The following MEIKIN variants were observed in gnomAD, a reference collection of about 807,000 sequenced individuals.
The protein encoded by MEIKIN is meiosis-specific kinetochore protein.
chr5:131,843,050 G>A (rs1749945402), intron 11 of MEIKIN, among the ~76,000 whole-genome samples: 3 of 152,238 alleles, frequency 2.0e-5, no homozygotes, highest in Non-Finnish European at 1.5e-5. Flanking sequence ...ACCAAGGTTT[G>A]GGGCTTACCC....
At chr5:131,847,528 T>C (rs1186510161) in intron 11 of MEIKIN, among the ~76,000 whole-genome samples, 1 of 151,870 alleles carries the variant, frequency 6.6e-6, no homozygotes, top group Non-Finnish European at 1.5e-5. Context: ...TGACAGACCA[T>C]CAAAATATAT....
At chr5:131,880,202 G>C (rs1750681618) in intron 8 of MEIKIN, among the ~76,000 whole-genome samples, 1 of 151,664 alleles carries the variant, frequency 6.6e-6, no homozygotes. Context: ...CGATTCTCCT[G>C]TCTCAGCCAC....
At chr5:131,911,431 A>C (rs1303498990) in intron 8 of MEIKIN, among the ~76,000 whole-genome samples, 2 of 152,008 alleles carry the variant, frequency 1.3e-5, no homozygotes, top group Non-Finnish European at 2.9e-5. Context: ...TTTGCAAGAC[A>C]CTTTGCTTAT....
chr5:131,885,117 G>T (rs1226645931), intron 8 of MEIKIN, among the ~76,000 whole-genome samples: 1 of 152,196 alleles, frequency 6.6e-6, no homozygotes, highest in Non-Finnish European at 1.5e-5. Flanking sequence ...CCACCCTGCA[G>T]GGAAGGACAT....
At chr5:131,919,294 T>C (rs138511693) in intron 6 of MEIKIN, among the ~76,000 whole-genome samples, 87 of 152,298 alleles carry the variant, frequency 5.7e-4, no homozygotes, top group Middle Eastern at 3.4e-3. Context: ...CAAACTGTTA[T>C]AATCCTTCTG....
chr5:131,885,368 AGAGAGAGAGAGAGAGAGAGAGAGAG>A lies in MEIKIN; in HGVS notation c.704-6345_704-6321del, dbSNP rs1561744001. 3.8e-3 allele frequency among the ~76,000 whole-genome samples: 149 copies of A among 39,454 alleles called. 1 individual carries two copies. Among genetic ancestry groups the A allele is most frequent in the African/African-American group, 9.8e-3 (135 of 13,822 alleles). 25.9% of individuals were successfully genotyped at this position (39,454 alleles called of 152,430 possible). ...GAGAGAGAGAGAGAGAGAGAGAGAG[AGAGAGAGAGAGAGAGAGAGAGAGAG>A]AGAGAGAGAGAGAGAGAGAGAGAGA... On this transcript the variant is annotated intron_variant, in intron 8 of 12. Coordinates refer to ENST00000442687, the MANE Select transcript of MEIKIN (RefSeq NM_001303622.2).
At chr5:131,863,064 T>C (rs1252744275) in intron 9 of MEIKIN, among the ~76,000 whole-genome samples, 2 of 152,202 alleles carry the variant, frequency 1.3e-5, no homozygotes, top group Admixed American at 1.3e-4. Flanking sequence ...TTCAGCGGCA[T>C]CTTGCTAAGT....
In MEIKIN at chr5:131,879,048, T is replaced by C. The variant is rs142637902; in HGVS notation, c.704A>G (p.Asp235Gly). ...KAKCASNSESDNAACEILLAE... is the reference protein window; with the variant it reads ...KAKCASNSESGNAACEILLAE... ...AAGTAAAATCTCACAAGCTGCATTA[T>C]CTATAAATAAAAACATAGTTCAGTA... The change falls in exon 9 of 13, where the codon GAT (aspartate) becomes GGT (glycine). Residue 235 changes from aspartate to glycine, a missense_variant and splice_region_variant. Asp to Gly is a moderately conservative substitution (Grantham distance 94). Transcript: ENST00000442687. 907 of 398,586 alleles carry C rather than the reference T, an allele frequency of 2.3e-3. 2 individuals carry two copies. The highest frequency in any genetic ancestry group is 8.8e-3 in the Middle Eastern group (14 of 1,582). The allele number at this position is 398,586 out of a possible 1,614,324, so 24.7% of individuals were successfully genotyped here.
Position 131,944,688 on chromosome 5 carries a change from C to T in MEIKIN, c.265G>A (p.Asp89Asn). The change falls in exon 3 of 13, where the codon GAT becomes AAT. Residue 89 changes from aspartate (D) to asparagine (N), a missense_variant. Asp to Asn is a conservative substitution (Grantham distance 23). Coordinates refer to ENST00000442687, the MANE Select transcript of MEIKIN (RefSeq NM_001303622.2). ...ACACGCAACGATGCAATCTTCTCAT[C>T]CTGGGTGTCTTCACTAGACCTATTT... ...QENRSSEDTQ[D>N]EKIASLRESV... is the part of the protein sequence containing the mutation. 2.5e-6 allele frequency: 1 copy of T among 399,084 alleles called. No homozygotes were observed. Among genetic ancestry groups the T allele is most frequent in the Non-Finnish European group, 4.4e-6 (1 of 226,094 alleles). 24.7% of individuals were successfully genotyped at this position (399,084 alleles called of 1,614,324 possible).
intron 8 of MEIKIN, among the ~76,000 whole-genome samples, chr5:131,890,658 A>C (rs1306789277): frequency 6.6e-6 from 1 of 152,094 alleles, no homozygotes; most frequent in Non-Finnish European, 1.5e-5. Flanking sequence ...TGATCTTTTC[A>C]AAAAACCAGC....
chr5:131,814,277 TC>T (rs1773059569), intron 12 of MEIKIN, among the ~76,000 whole-genome samples: 1 of 85,844 alleles, frequency 1.2e-5, no homozygotes, highest in Admixed American at 1.3e-4. Flanking sequence ...ATTGGACAGA[TC>T]TTTTTTTTTT....
intron 9 of MEIKIN, among the ~76,000 whole-genome samples, chr5:131,860,044 TG>T (rs1357213538): frequency 2.6e-5 from 4 of 152,210 alleles, no homozygotes; most frequent in Non-Finnish European, 5.9e-5. Context: ...GGATCTTTTT[TG>T]GTTCCATATG....
At chr5:131,810,961 G>A (rs1368795512) in intron 12 of MEIKIN, among the ~76,000 whole-genome samples, 3 of 152,146 alleles carry the variant, frequency 2.0e-5, no homozygotes, top group African/African-American at 7.2e-5. Flanking sequence ...AAAATAGGCT[G>A]CTGCATGTTT....
chr5:131,928,012 C>T (rs1004355596), intron 5 of MEIKIN, among the ~76,000 whole-genome samples: 8 of 151,642 alleles, frequency 5.3e-5, no homozygotes, highest in African/African-American at 9.7e-5. Context: ...GGCACGGTGG[C>T]GCGCGCCTGT....
At chr5:131,852,133 T>C (rs13170693) in intron 10 of MEIKIN, among the ~76,000 whole-genome samples, 119,393 of 152,118 alleles carry the variant, frequency 0.78, 47,114 homozygotes, top group African/African-American at 0.83. Flanking sequence ...GTGTCTCTAC[T>C]CAAATCTCAT....
intron 11 of MEIKIN, among the ~76,000 whole-genome samples, chr5:131,829,934 T>A (rs1035546626): frequency 6.6e-6 from 1 of 152,250 alleles, no homozygotes; most frequent in Admixed American, 6.5e-5. Flanking sequence ...AATAGATTTC[T>A]GTTGTTTTAA....
intron 11 of MEIKIN, among the ~76,000 whole-genome samples, chr5:131,832,378 T>C (rs1749730006): frequency 1.3e-5 from 2 of 152,150 alleles, no homozygotes; most frequent in East Asian, 1.9e-4. Flanking sequence ...TGGGTTCTCA[T>C]GGTCTTGGGC....
intron 12 of MEIKIN, among the ~76,000 whole-genome samples, chr5:131,816,237 G>T (rs866671823): frequency 6.6e-6 from 1 of 152,182 alleles, no homozygotes; most frequent in Non-Finnish European, 1.5e-5. Context: ...TAAGGAATGC[G>T]CTGTGATGGT....
chr5:131,897,704 C>T (rs986176948), intron 8 of MEIKIN, among the ~76,000 whole-genome samples: 5 of 152,164 alleles, frequency 3.3e-5, no homozygotes, highest in Non-Finnish European at 1.5e-5. Flanking sequence ...GTGCATGCAT[C>T]ATGAAGTTTT....
Sources: gnomAD v4.1 joint callset for allele counts (sites outside exome capture counted in the v4.1 genomes callset) on GRCh38, gnomAD v4.1.1 for gene constraint, MANE v1.5 for transcripts, NCBI Gene and HGNC (gene_info 2026-07-23, HGNC 2026-07-21) for gene names.